KCTD1: variants seen among roughly 807,000 people sequenced by gnomAD.
KCTD1 encodes the protein BTB/POZ domain-containing protein KCTD1.
A neutral mutation model predicts 66.0 loss-of-function variants in KCTD1; 24 were observed. That is an observed-to-expected ratio of 0.36 (90% CI 0.26 to 0.51). The LOEUF (loss-of-function observed/expected upper bound fraction) is 0.51, where lower values mean the gene tolerates loss of function less well. Among genes scored for constraint, KCTD1 ranks in the 20% least tolerant of loss-of-function variants. KCTD1 has a pLI of 0.95. For missense variants in KCTD1, 943 were observed against 1,205.2 expected, an observed-to-expected ratio of 0.78 and a Z score of 3.22; for synonymous variants, 511 against 517.2, an observed-to-expected ratio of 0.99 and a Z score of 0.16.
intron 1 of KCTD1, among the ~76,000 whole-genome samples, chr18:26,504,650 G>A (rs1018934352): frequency 1.3e-5 from 2 of 152,142 alleles, no homozygotes; most frequent in Non-Finnish European, 2.9e-5. Context: ...TGGGATTACA[G>A]GTGTGAGCCA....
At chr18:26,517,111 G>A (rs1598912217) in intron 1 of KCTD1, among the ~76,000 whole-genome samples, 1 of 152,182 alleles carries the variant, frequency 6.6e-6, no homozygotes, top group Admixed American at 6.5e-5. Flanking sequence ...GAATCTCTGG[G>A]TTATCAGCCC....
chr18:26,615,243 G>A (rs1363989547), intron 1 of KCTD1, among the ~76,000 whole-genome samples: 1 of 152,168 alleles, frequency 6.6e-6, no homozygotes, highest in Non-Finnish European at 1.5e-5. Flanking sequence ...GACTGGTTCT[G>A]TGGCTCCCAG....
chr18:26,560,256 C>CA (rs954950991), intron 1 of KCTD1, among the ~76,000 whole-genome samples: 19 of 151,894 alleles, frequency 1.3e-4, no homozygotes, highest in Non-Finnish European at 2.6e-4. Flanking sequence ...ATTCTCACAA[C>CA]AAAAAATATG....
At chr18:26,643,966 A>T (rs1426195574), upstream of KCTD1, among the ~76,000 whole-genome samples, 8 of 152,076 alleles carry the variant, frequency 5.3e-5, no homozygotes, top group Admixed American at 1.3e-4. Context: ...TGTCTCAAAA[A>T]AAAAAGGGGG....
At chr18:26,597,660 T>A (rs1287155081) in intron 1 of KCTD1, among the ~76,000 whole-genome samples, 4 of 9,076 alleles carry the variant, frequency 4.4e-4, no homozygotes, top group Non-Finnish European at 1.6e-3. Flanking sequence ...GTCTTGGTGT[T>A]TTTTTTTTTT....
intron 3 of KCTD1, among the ~76,000 whole-genome samples, chr18:26,466,420 A>G (rs1221857238): frequency 1.3e-5 from 2 of 152,098 alleles, no homozygotes; most frequent in Non-Finnish European, 2.9e-5. Context: ...ACTCCCTTTA[A>G]CTTTTCCTTA....
chr18:26,470,587 C>T (rs1367443870), intron 3 of KCTD1, among the ~76,000 whole-genome samples: 1 of 152,240 alleles, frequency 6.6e-6, no homozygotes, highest in Non-Finnish European at 1.5e-5. Flanking sequence ...GATACCTCTG[C>T]CACAGGCCTC....
intron 1 of KCTD1, among the ~76,000 whole-genome samples, chr18:26,647,662 C>T (rs1232857009): frequency 5.3e-5 from 8 of 151,626 alleles, no homozygotes; most frequent in Admixed American, 4.6e-4. Context: ...ACTCCAGATC[C>T]TAAAACCTGC....
At position 26,547,372 on chromosome 18, in the gene KCTD1, C is replaced by T. The variant is rs906958129; in HGVS notation, c.1165G>A (p.Ala389Thr). The change falls in exon 1 of 5, where the codon GCC becomes ACC. Residue 389 changes from alanine to threonine, a missense_variant. By Grantham distance (58) the Ala-to-Thr change is moderately conservative. Coordinates refer to ENST00000580059, the MANE Select transcript of KCTD1 (RefSeq NM_001142730.3). The part of the protein sequence containing the change: ...YETGTEFCPY[A>T]SFVKYLSKRN... ...TTCGACAGGTACTTGACGAAGCTGG[C>T]GTAGGGGCAGAACTCGGTGCCCGTC... 3 of 1,551,316 alleles carry T rather than the reference C, an allele frequency of 1.9e-6. No homozygotes were observed. Among genetic ancestry groups the T allele is most frequent in the Non-Finnish European group, 1.7e-6 (2 of 1,146,732 alleles).
intron 1 of KCTD1, among the ~76,000 whole-genome samples, chr18:26,555,818 T>C (rs1044372203): frequency 6.6e-6 from 1 of 152,184 alleles, no homozygotes; most frequent in Non-Finnish European, 1.5e-5. Context: ...TCGATAATGA[T>C]AGTGAAATAA....
intron 1 of KCTD1, 91 bp downstream of exon 1, chr18:26,546,637 C>T: frequency 7.2e-7 from 1 of 1,392,388 alleles, no homozygotes; most frequent in Non-Finnish European, 9.5e-7. Flanking sequence ...CTTTTTAAAA[C>T]TTCCCCCCTA....
At chr18:26,501,351 T>C in intron 1 of KCTD1, 101 bp from the exon 2 acceptor site, 1 of 1,055,040 alleles carries the variant, frequency 9.5e-7, no homozygotes, top group Non-Finnish European at 1.3e-6. Flanking sequence ...ACGATACTCA[T>C]TCAGTAATAA....
intron 1 of KCTD1, among the ~76,000 whole-genome samples, chr18:26,512,724 G>C (rs983910657): frequency 6.6e-6 from 1 of 152,016 alleles, no homozygotes; most frequent in African/African-American, 2.4e-5. Flanking sequence ...CTCATGTCTG[G>C]AATCCCAGCA....
In KCTD1 at chr18:26,546,874, G is replaced by A. The variant is rs1410280701; in HGVS notation, c.1663C>T (p.Leu555Phe). 3.3e-6 allele frequency: 5 copies of A among 1,495,030 alleles called. No individual in the cohort carries two copies. Among genetic ancestry groups the A allele is most frequent in the Non-Finnish European group, 3.6e-6 (4 of 1,121,760 alleles). 92.6% of individuals were successfully genotyped at this position (1,495,030 alleles called of 1,614,324 possible). ...EICGPTSPKR[L>F]CIRPSEPVDA... ...ACAGGCTCCGAGGGGCGGATACAAA[G>A]TCTTTTGGGGGAAGTGGGGCCGCAG... Residue 555 changes from leucine to phenylalanine, a missense_variant, in exon 1 of 5, where the codon CTT becomes TTT. By Grantham distance (22) the Leu-to-Phe change is conservative (BLOSUM62 0). Coordinates refer to ENST00000580059, the MANE Select transcript of KCTD1 (RefSeq NM_001142730.3).
At chr18:26,514,596 G>T (rs1048900220) in intron 1 of KCTD1, among the ~76,000 whole-genome samples, 2 of 151,264 alleles carry the variant, frequency 1.3e-5, no homozygotes, top group African/African-American at 4.9e-5. Flanking sequence ...ATGTTGGAAG[G>T]AAGTAGTGTC....
At chr18:26,649,709 C>T (rs1477867324) in intron 1 of KCTD1, among the ~76,000 whole-genome samples, 1 of 152,148 alleles carries the variant, frequency 6.6e-6, no homozygotes, top group Non-Finnish European at 1.5e-5. Context: ...GGGGTTTCAC[C>T]ATGTTGGCCA....
chr18:26,504,979 C>T (rs1982957402), intron 1 of KCTD1, among the ~76,000 whole-genome samples: 1 of 152,244 alleles, frequency 6.6e-6, no homozygotes, highest in African/African-American at 2.4e-5. Flanking sequence ...GGAAGGAAGC[C>T]AGGTCCTCGC....
intron 1 of KCTD1, among the ~76,000 whole-genome samples, chr18:26,623,050 G>A (rs1987422670): frequency 6.6e-6 from 1 of 151,870 alleles, no homozygotes; most frequent in South Asian, 2.1e-4. Context: ...CTCTTACATT[G>A]TTTTCATTTT....
At chr18:26,639,707 T>C (rs1275440692) in intron 1 of KCTD1, among the ~76,000 whole-genome samples, 1 of 152,168 alleles carries the variant, frequency 6.6e-6, no homozygotes, top group Non-Finnish European at 1.5e-5. Flanking sequence ...ATTTGCTTTG[T>C]TTAATCCTCA....
Sources: gnomAD v4.1 joint callset for allele counts (sites outside exome capture counted in the v4.1 genomes callset) on GRCh38, gnomAD v4.1.1 for gene constraint, MANE v1.5 for transcripts, NCBI Gene and HGNC (gene_info 2026-07-23, HGNC 2026-07-21) for gene names.